The following OTUD7A variants were observed in gnomAD, a reference collection of about 807,000 sequenced individuals.
OTUD7A encodes the protein OTU deubiquitinase 7A.
OTUD7A carries 12 observed loss-of-function variants against 65.7 expected under a neutral mutation model. The observed-to-expected ratio is 0.18, with a 90% CI of 0.12 to 0.30. The LOEUF is 0.30. Among genes scored for constraint, OTUD7A ranks in the 10% least tolerant of loss-of-function variants. OTUD7A has a pLI of 1.00. For missense variants in OTUD7A, 1,148 were observed against 1,304.8 expected (o/e 0.88, Z 1.85); for synonymous variants, 641 against 586.3 (o/e 1.09, Z -1.35).
At chr15:31,491,364 T>G (rs1195408524) in intron 10 of OTUD7A, among the ~76,000 whole-genome samples, 1 of 151,686 alleles carries the variant, frequency 6.6e-6, no homozygotes, top group Non-Finnish European at 1.5e-5. Flanking sequence ...ATAATAGAGG[T>G]GAAGAATGAT....
intron 3 of OTUD7A, among the ~76,000 whole-genome samples, chr15:31,592,596 A>C (rs2141199709): frequency 6.6e-6 from 1 of 152,038 alleles, no homozygotes; most frequent in African/African-American, 2.4e-5. Context: ...AAAATATATA[A>C]GTAGGGCCGC....
At chr15:31,799,763 G>A (rs757712656) in intron 1 of OTUD7A, among the ~76,000 whole-genome samples, 3 of 152,114 alleles carry the variant, frequency 2.0e-5, no homozygotes, top group Non-Finnish European at 4.4e-5. Context: ...AAGACAGGCT[G>A]GAATCCAGAT....
intron 1 of OTUD7A, chr15:31,767,329 C>T (rs1027048280): frequency 1.3e-5 from 10 of 782,582 alleles, no homozygotes; most frequent in East Asian, 4.9e-5. Context: ...ACAAGTAATT[C>T]GTAATATTCA....
At chr15:31,861,076 G>T (rs1179212177) in intron 1 of OTUD7A, among the ~76,000 whole-genome samples, 1 of 151,964 alleles carries the variant, frequency 6.6e-6, no homozygotes, top group Non-Finnish European at 1.5e-5. Context: ...TCACAGCATT[G>T]AGCAGGGCTT....
intron 1 of OTUD7A, among the ~76,000 whole-genome samples, chr15:31,801,053 CAAAA>C (rs772401103): frequency 6.6e-5 from 6 of 91,344 alleles, no homozygotes; most frequent in Non-Finnish European, 1.2e-4. Flanking sequence ...CCAGCAGCCT[CAAAA>C]AAAAAAAAAA....
chr15:31,497,214 T>G (rs1049053497), intron 10 of OTUD7A, among the ~76,000 whole-genome samples: 1 of 151,988 alleles, frequency 6.6e-6, no homozygotes, highest in Admixed American at 6.6e-5. Flanking sequence ...TGTTTGTATA[T>G]ATGAGGGAAA....
At chr15:31,835,611 T>C (rs1025190727) in intron 1 of OTUD7A, among the ~76,000 whole-genome samples, 6 of 152,182 alleles carry the variant, frequency 3.9e-5, no homozygotes, top group Non-Finnish European at 7.4e-5. Flanking sequence ...CAAACTGCCC[T>C]ATTGTTTGGA....
At chr15:31,750,637 T>A (rs1444066021) in intron 1 of OTUD7A, among the ~76,000 whole-genome samples, 1 of 152,060 alleles carries the variant, frequency 6.6e-6, no homozygotes, top group Non-Finnish European at 1.5e-5. Context: ...CAAAACAGTA[T>A]GGTACTGACA....
intron 1 of OTUD7A, among the ~76,000 whole-genome samples, chr15:31,772,060 G>A (rs960799967): frequency 2.0e-5 from 3 of 151,778 alleles, no homozygotes; most frequent in African/African-American, 4.8e-5. Flanking sequence ...AGACCATCCC[G>A]GCTAAAACGG....
chr15:31,618,814 C>T (rs1890678677), intron 3 of OTUD7A, among the ~76,000 whole-genome samples: 1 of 152,076 alleles, frequency 6.6e-6, no homozygotes, highest in Non-Finnish European at 1.5e-5. Context: ...CTTTTGTTGC[C>T]ATTGCTTTTG....
chr15:31,481,959 C>T lies in OTUD7A; in HGVS notation c.*1335G>A, dbSNP rs2041127228. 6.6e-6 allele frequency: 1 copy of T among 152,118 alleles called. No homozygotes were observed. The highest frequency in any genetic ancestry group is 2.1e-4 in the South Asian group (1 of 4,822). The allele number at this position is 152,118 out of a possible 1,614,324, so 9.4% of individuals were successfully genotyped here. On this transcript the variant is annotated 3_prime_UTR_variant, in exon 13 of 13. Coordinates refer to ENST00000307050, the MANE Select transcript of OTUD7A (RefSeq NM_001382637.1). ...TATTCTTTGTTAGTGAGGATTTTAC[C>T]CATCTTATCCTCATTTCTTGGAAAC... is the stretch of plus-strand genomic sequence containing the variant.
At chr15:31,609,086 C>A (rs1890321584) in intron 3 of OTUD7A, among the ~76,000 whole-genome samples, 1 of 152,172 alleles carries the variant, frequency 6.6e-6, no homozygotes, top group South Asian at 2.1e-4. Flanking sequence ...GCGGGAAAGG[C>A]CCTGGGAGCT....
intron 1 of OTUD7A, among the ~76,000 whole-genome samples, chr15:31,671,720 T>G (rs1393508704): frequency 2.6e-5 from 4 of 152,222 alleles, no homozygotes; most frequent in Non-Finnish European, 2.9e-5. Flanking sequence ...TTGCTAATTT[T>G]TATTTAAAAC....
At chr15:31,785,308 A>C (rs1895644163) in intron 1 of OTUD7A, among the ~76,000 whole-genome samples, 1 of 152,240 alleles carries the variant, frequency 6.6e-6, no homozygotes, top group Non-Finnish European at 1.5e-5. Context: ...ATTTTGGGTA[A>C]GCTTTCGGTA....
chr15:31,507,558 A>C (rs771780386), intron 8 of OTUD7A, among the ~76,000 whole-genome samples: 2 of 152,110 alleles, frequency 1.3e-5, no homozygotes, highest in Admixed American at 1.3e-4. Context: ...CAGCAGCAAG[A>C]TTTATTGTGG....
intron 10 of OTUD7A, among the ~76,000 whole-genome samples, chr15:31,497,811 T>A (rs1488876168): frequency 6.6e-6 from 1 of 152,148 alleles, no homozygotes; most frequent in Non-Finnish European, 1.5e-5. Context: ...AACTATTCCC[T>A]GGGGATGGTT....
chr15:31,787,422 T>G (rs932277073), intron 1 of OTUD7A: 2 of 152,148 alleles, frequency 1.3e-5, no homozygotes, highest in African/African-American at 4.8e-5. Flanking sequence ...AATATACATC[T>G]CCTACTCTCC....
In OTUD7A at chr15:31,796,179, A is replaced by G. The variant is rs1371056695; in HGVS notation, c.-100+74328T>C. On this transcript the variant is annotated intron_variant, in intron 1 of 12. Transcript: ENST00000307050. ...TGTGTGTGTGTGTATCTATGTATGT[A>G]TCTATGCATTATCTATCTATCTATC... 2.0e-3 allele frequency among the ~76,000 whole-genome samples: 247 copies of G among 122,196 alleles called. 2 individuals carry two copies. The highest frequency in any genetic ancestry group is 7.1e-3 in the African/African-American group (230 of 32,362). 80.2% of individuals were successfully genotyped at this position (122,196 alleles called of 152,430 possible). A position where few individuals can be genotyped will look rare whatever the true frequency, so the allele number is the denominator to read the frequency against.
intron 5 of OTUD7A, among the ~76,000 whole-genome samples, chr15:31,539,935 G>A (rs1477697396): frequency 6.6e-6 from 1 of 152,180 alleles, no homozygotes; most frequent in African/African-American, 2.4e-5. Context: ...TTACAATGGA[G>A]ACATTCTGTT....
Sources: allele counts gnomAD v4.1 joint callset (sites outside exome capture counted in the v4.1 genomes callset), GRCh38; gene constraint gnomAD v4.1.1; transcripts MANE v1.5; gene names NCBI Gene and HGNC (gene_info 2026-07-23, HGNC 2026-07-21).